RGL3: variants seen among roughly 807,000 people sequenced by gnomAD.
The protein encoded by RGL3 is ral guanine nucleotide dissociation stimulator like 3.
RGL3 carries 85 observed loss-of-function variants against 90.6 expected under a neutral mutation model. The ratio of observed to expected loss-of-function variants is 0.94; its 90% CI spans 0.79 to 1.12. RGL3 has a LOEUF of 1.12. Ranked by LOEUF, RGL3 falls within the 50% of genes most tolerant of loss-of-function variation. The pLI is 0.00. For synonymous variants in RGL3, 408 were observed against 385.5 expected, an observed-to-expected ratio of 1.06 and a Z score of -0.68; for missense variants, 1,034 against 939.2, an observed-to-expected ratio of 1.10 and a Z score of -1.32.
intron 18 of RGL3, among the ~76,000 whole-genome samples, chr19:11,395,575 C>CTTAA (rs1264990932): frequency 6.6e-6 from 1 of 152,160 alleles, no homozygotes; most frequent in African/African-American, 2.4e-5. Context: ...ATGCTACAAA[C>CTTAA]TTAAGATCAG....
chr19:11,414,014 G>C (rs1968916157), intron 5 of RGL3, among the ~76,000 whole-genome samples: 1 of 148,788 alleles, frequency 6.7e-6, no homozygotes, highest in Non-Finnish European at 1.5e-5. Context: ...CCAAAGTGCT[G>C]GGATTATAGG....
intron 18 of RGL3, among the ~76,000 whole-genome samples, chr19:11,397,000 T>G: frequency 1.3e-5 from 2 of 151,914 alleles, no homozygotes; most frequent in Middle Eastern, 6.8e-3. Context: ...CTTTTAAATT[T>G]TAGGAAGATG....
chr19:11,407,710 G>C (rs562014679), intron 5 of RGL3, among the ~76,000 whole-genome samples: 5 of 148,850 alleles, frequency 3.4e-5, no homozygotes, highest in Non-Finnish European at 7.4e-5. Context: ...TTTTTAAGAC[G>C]GAGTCTGACT....
At position 11,394,182 on chromosome 19, in the gene RGL3, G is replaced by A. The variant is rs1385917102; in HGVS notation, c.*220C>T. On this transcript the variant is annotated 3_prime_UTR_variant, in exon 19 of 19. Coordinates refer to ENST00000380456, the MANE Select transcript of RGL3 (RefSeq NM_001035223.4). ...TGCCCCACCTCTTTCTACATTTATG[G>A]GATTGAGCTCTCCACCAGCCACCCA... The A allele has an allele frequency of 5.7e-6, 3 of 523,110 alleles. No individual in the cohort carries two copies. In the Admixed American group the frequency reaches 9.7e-5, roughly 17 times the overall value. 32.4% of individuals were successfully genotyped at this position (523,110 alleles called of 1,614,324 possible). A position where few individuals can be genotyped will look rare whatever the true frequency, so the allele number is the denominator to read the frequency against.
chr19:11,397,156 G>A (rs1968587654), intron 18 of RGL3, 88 bp downstream of exon 18: 3 of 1,091,956 alleles, frequency 2.7e-6, no homozygotes, highest in Non-Finnish European at 4.1e-6. Context: ...TGTGAACCCG[G>A]GTAACCTTGG....
In RGL3 at chr19:11,419,260, T is replaced by G. The variant is rs542444944; in HGVS notation, c.19A>C (p.Lys7Gln). The part of the protein sequence containing the change: MERTAG[K>Q]ELALAPLQDW... ...TGTCCCCTTACCAGGGCCAGCTCTT[T>G]GCCTGCTGTGCGCTCCATGGCCGGC... is the stretch of plus-strand genomic sequence containing the variant. Residue 7 changes from lysine (K) to glutamine (Q), a missense_variant, in exon 1 of 19, where the codon AAA becomes CAA. By Grantham distance (53) the Lys-to-Gln change is moderately conservative. Coordinates refer to ENST00000380456, the MANE Select transcript of RGL3 (RefSeq NM_001035223.4). 1.3e-6 allele frequency: 2 copies of G among 1,562,006 alleles called. No homozygotes were observed. Among genetic ancestry groups the G allele is most frequent in the Non-Finnish European group, 1.7e-6 (2 of 1,151,326 alleles).
chr19:11,414,166 T>TATATATATATATATATATAC (rs1968924478), intron 5 of RGL3, among the ~76,000 whole-genome samples: 1 of 112,532 alleles, frequency 8.9e-6, no homozygotes, highest in African/African-American at 3.9e-5. Context: ...TATATATATA[T>TATATATATATATATATATAC]ATATATATAT....
At chr19:11,400,177 C>A (rs1241009485) in intron 14 of RGL3, 25 bp downstream of exon 14, 2 of 1,573,566 alleles carry the variant, frequency 1.3e-6, no homozygotes, top group Non-Finnish European at 1.7e-6. Context: ...CACATCACCG[C>A]CCCTACACAC....
intron 9 of RGL3, among the ~76,000 whole-genome samples, chr19:11,403,245 C>T (rs1398491647): frequency 6.6e-6 from 1 of 150,904 alleles, no homozygotes; most frequent in African/African-American, 2.4e-5. Context: ...CTGTGTTAGC[C>T]AGGATGGTCT....
chr19:11,418,509 G>C, intron 2 of RGL3, 162 bp downstream of exon 2: 4 of 551,956 alleles, frequency 7.2e-6, no homozygotes, highest in South Asian at 2.4e-5. Flanking sequence ...CCACTTACCT[G>C]GCCGCCCCCA....
intron 16 of RGL3, among the ~76,000 whole-genome samples, chr19:11,398,549 T>C (rs1968616542): frequency 6.6e-6 from 1 of 152,178 alleles, no homozygotes; most frequent in African/African-American, 2.4e-5. Flanking sequence ...TTTCACCATG[T>C]TGGCTAGGCT....
In RGL3 at chr19:11,402,133, C is replaced by T. The variant is rs202233436; in HGVS notation, c.1363-1G>A. ...GGATGCGGGCCAGGATCTCCCACTC[C>T]TGGAGGACGAGCCTCTAAGACCCTA... is the stretch of plus-strand genomic sequence containing the variant. On this transcript the variant is annotated splice_acceptor_variant, in intron 12 of 18. Transcript: ENST00000380456. LOFTEE classifies it high-confidence loss of function. 4.3e-6 allele frequency: 7 copies of T among 1,609,808 alleles called. No homozygotes were observed. The highest frequency in any genetic ancestry group is 5.1e-6 in the Non-Finnish European group (6 of 1,178,262).
At chr19:11,400,179 C>T in intron 14 of RGL3, 23 bp downstream of exon 14, 3 of 1,572,196 alleles carry the variant, frequency 1.9e-6, no homozygotes, top group South Asian at 2.3e-5. Context: ...CATCACCGCC[C>T]CTACACACAC....
intron 5 of RGL3, among the ~76,000 whole-genome samples, chr19:11,412,633 G>A (rs369392384): frequency 2.5e-4 from 38 of 151,630 alleles, no homozygotes; most frequent in African/African-American, 9.0e-4. Context: ...CCAGGAGTTC[G>A]AGTCCAGCCT....
intron 18 of RGL3, among the ~76,000 whole-genome samples, chr19:11,396,250 C>G (rs1209214838): frequency 7.1e-6 from 1 of 141,714 alleles, no homozygotes; most frequent in East Asian, 2.2e-4. Flanking sequence ...TCACTGCAAC[C>G]TCCGCCTCCT....
At chr19:11,416,715 G>A (rs1050924272) in intron 3 of RGL3, 48 bp from the exon 4 acceptor site, 5 of 1,601,508 alleles carry the variant, frequency 3.1e-6, no homozygotes, top group East Asian at 2.2e-5. Context: ...CCTAGAGGGG[G>A]CTTAGGAAGA....
rs376524609 is a variant in RGL3, at chr19:11,405,388, G to C, written c.1035C>G (p.Ala345=). 6.2e-7 allele frequency: 1 copy of C among 1,607,106 alleles called. No homozygotes were observed. Among genetic ancestry groups the C allele is most frequent in the African/African-American group, 1.3e-5 (1 of 74,734 alleles). ...GGTTAGATTGCAGGGCGGACAGGAT[G>C]GCGCGCAAGGAGGAGAAGTTCCGCA... ...RELRNFSSLR[A]ILSALQSNPI... is the part of the protein sequence containing the mutation. Residue 345 remains alanine, a synonymous_variant, in exon 8 of 19, where the codon GCC becomes GCG. Transcript: ENST00000380456.
At chr19:11,407,595 T>C (rs1269095055) in intron 5 of RGL3, among the ~76,000 whole-genome samples, 1 of 151,940 alleles carries the variant, frequency 6.6e-6, no homozygotes, top group Non-Finnish European at 1.5e-5. Context: ...GACTTCCTGG[T>C]TCAGGGAAGG....
rs567395248 is a variant in RGL3 at position 11,412,055 on chromosome 19, G to A, written c.637+3882C>T. 2.5e-3 allele frequency among the ~76,000 whole-genome samples: 385 copies of A among 152,146 alleles called. 2 individuals carry two copies. The highest frequency in any genetic ancestry group is 0.014 in the Middle Eastern group (4 of 294). On this transcript the variant is annotated intron_variant, in intron 5 of 18. Transcript: ENST00000380456. ...AACACTTTGGGAGGCCAAGGTGGGC[G>A]GATCACCTGAGGTCAGGAGTTCGAG... is the stretch of plus-strand genomic sequence containing the variant.
Sources: allele counts gnomAD v4.1 joint callset (sites outside exome capture counted in the v4.1 genomes callset), GRCh38; gene constraint gnomAD v4.1.1; transcripts MANE v1.5; gene names NCBI Gene and HGNC (gene_info 2026-07-23, HGNC 2026-07-21).